Variants in SLC25A33 observed in about 807,000 individuals in gnomAD.
The protein encoded by SLC25A33 is solute carrier family 25 member 33.
In SLC25A33, 15 loss-of-function variants were observed where a neutral mutation model predicts 35.5. The observed-to-expected ratio is 0.42, with a 90% CI of 0.28 to 0.65. The LOEUF (loss-of-function observed/expected upper bound fraction) is 0.65. Among genes scored for constraint, SLC25A33 ranks in the 30% least tolerant of loss-of-function variants. The pLI, the probability that SLC25A33 is intolerant of heterozygous loss-of-function variation, is 0.20. For missense variants in SLC25A33, 257 were observed against 398.5 expected (o/e 0.64, Z 3.02); for synonymous variants, 136 against 148.7 (o/e 0.91, Z 0.62).
intron 1 of SLC25A33, among the ~76,000 whole-genome samples, chr1:9,550,565 T>A (rs1009360545): frequency 6.6e-6 from 1 of 152,178 alleles, no homozygotes; most frequent in Non-Finnish European, 1.5e-5. Context: ...TATCTTTAAA[T>A]GTTATACTTT....
At chr1:9,562,165 T>A (rs914530805) in intron 2 of SLC25A33, among the ~76,000 whole-genome samples, 1 of 151,716 alleles carries the variant, frequency 6.6e-6, no homozygotes, top group Non-Finnish European at 1.5e-5. Context: ...CTGGCCAACA[T>A]GGTGAAACCC....
At chr1:9,545,849 G>A (rs2100368575) in intron 1 of SLC25A33, among the ~76,000 whole-genome samples, 1 of 151,828 alleles carries the variant, frequency 6.6e-6, no homozygotes, top group African/African-American at 2.4e-5. Flanking sequence ...TGTAATTTCA[G>A]CTACTTGGGA....
At chr1:9,569,421 A>C (rs982836240) in intron 3 of SLC25A33, among the ~76,000 whole-genome samples, 1 of 152,184 alleles carries the variant, frequency 6.6e-6, no homozygotes, top group African/African-American at 2.4e-5. Context: ...CCTACTGCCC[A>C]TCTGTAGTAA....
At chr1:9,553,198 GTTTTGTTTTTTT>G (rs1557526424) in intron 1 of SLC25A33, among the ~76,000 whole-genome samples, 1 of 32,238 alleles carries the variant, frequency 3.1e-5, no homozygotes, top group African/African-American at 1.3e-4. Flanking sequence ...TTGTGTTCTA[GTTTTGTTTTTTT>G]TTTTTTTTTT....
chr1:9,543,293 G>A (rs1236223848), intron 1 of SLC25A33, among the ~76,000 whole-genome samples: 8 of 151,980 alleles, frequency 5.3e-5, no homozygotes, highest in Admixed American at 1.3e-4. Context: ...AAAGGCTCAC[G>A]CCACCACGCC....
chr1:9,541,823 G>A (rs771369656), intron 1 of SLC25A33, among the ~76,000 whole-genome samples: 7 of 150,826 alleles, frequency 4.6e-5, no homozygotes, highest in Non-Finnish European at 7.4e-5. Flanking sequence ...TTTTTCAGAC[G>A]GAGTCTTGCT....
intron 1 of SLC25A33, 52 bp from the exon 2 acceptor site, chr1:9,553,574 A>G (rs1557526678): frequency 1.3e-6 from 2 of 1,587,786 alleles, no homozygotes; most frequent in East Asian, 2.2e-5. Flanking sequence ...TTAGCATTCC[A>G]TTGTGTAGGG....
chr1:9,559,090 G>T (rs1004664912), intron 2 of SLC25A33, among the ~76,000 whole-genome samples: 1 of 152,118 alleles, frequency 6.6e-6, no homozygotes, highest in African/African-American at 2.4e-5. Flanking sequence ...GCTGACGTCC[G>T]CTGTCATCAC....
chr1:9,539,934 C>G (rs1446286235), intron 1 of SLC25A33, among the ~76,000 whole-genome samples, 187 bp downstream of exon 1: 1 of 152,150 alleles, frequency 6.6e-6, no homozygotes, highest in Non-Finnish European at 1.5e-5. Context: ...TCGGGCCTTC[C>G]TCACCCCTAC....
intron 1 of SLC25A33, 47 bp downstream of exon 1, chr1:9,539,794 C>G (rs751779950): frequency 7.7e-7 from 1 of 1,305,920 alleles, no homozygotes; most frequent in South Asian, 2.1e-5. Flanking sequence ...CTGCGGTCCC[C>G]TCGGCCTTCG....
chr1:9,577,587 A>G (rs1643679275), intron 5 of SLC25A33, among the ~76,000 whole-genome samples: 1 of 151,992 alleles, frequency 6.6e-6, no homozygotes, highest in Non-Finnish European at 1.5e-5. Flanking sequence ...TGGAGAAGGG[A>G]GTTATGGAAG....
At chr1:9,573,305 CT>C in intron 4 of SLC25A33, 40 bp from the exon 5 acceptor site, 1 of 1,394,620 alleles carries the variant, frequency 7.2e-7, no homozygotes, top group Non-Finnish European at 1.0e-6. Context: ...TAAGTATGGA[CT>C]ATGTACAGTG....
chr1:9,553,209 T>G (rs796985268), intron 1 of SLC25A33, among the ~76,000 whole-genome samples: 27 of 126,258 alleles, frequency 2.1e-4, no homozygotes, highest in African/African-American at 7.0e-4. Context: ...TTTTGTTTTT[T>G]TTTTTTTTTT....
chr1:9,547,851 ATTTTGTTTTTGT>A lies in SLC25A33; in HGVS notation c.57-5758_57-5747del, dbSNP rs757973516. 1.6e-4 allele frequency among the ~76,000 whole-genome samples: 22 copies of A among 136,504 alleles called. 1 individual carries two copies. The South Asian group carries it at 4.6e-3, about 29-fold the overall frequency. 89.6% of individuals were successfully genotyped at this position (136,504 alleles called of 152,430 possible). ...TGGGTTTCTTGTTTGTTTTGTTTTG[ATTTTGTTTTTGT>A]TTTTGTTTTTGTTTTTCCCTTCCTG... On this transcript the variant is annotated intron_variant, in intron 1 of 6. Coordinates refer to ENST00000302692, the MANE Select transcript of SLC25A33 (RefSeq NM_032315.3).
intron 3 of SLC25A33, 24 bp from the exon 4 acceptor site, chr1:9,570,234 A>C: frequency 6.2e-7 from 1 of 1,600,144 alleles, no homozygotes; most frequent in Non-Finnish European, 8.5e-7. Context: ...TGATTTCTTT[A>C]TAATGTTCTC....
intron 1 of SLC25A33, among the ~76,000 whole-genome samples, chr1:9,545,096 A>G (rs887459639): frequency 2.0e-5 from 3 of 152,198 alleles, no homozygotes; most frequent in South Asian, 2.1e-4. Flanking sequence ...GTGTAAAAGG[A>G]TTAGAAGGTT....
chr1:9,568,073 T>C (rs999683752), intron 3 of SLC25A33, among the ~76,000 whole-genome samples: 8 of 152,184 alleles, frequency 5.3e-5, no homozygotes, highest in African/African-American at 1.7e-4. Context: ...ATAGATAGGA[T>C]AGAGAGGATA....
At chr1:9,576,549 C>T in intron 5 of SLC25A33, 2 of 547,674 alleles carry the variant, frequency 3.7e-6, no homozygotes, top group Non-Finnish European at 7.2e-6. Flanking sequence ...TCAGTCACAT[C>T]AATGTAGAAC....
chr1:9,570,437 T>G (rs1308743184), intron 4 of SLC25A33, 79 bp downstream of exon 4: 1 of 1,223,794 alleles, frequency 8.2e-7, no homozygotes, highest in Non-Finnish European at 1.2e-6. Flanking sequence ...TTTCCAGGAA[T>G]TAGAAATTAG....
Sources: gnomAD v4.1 joint callset for allele counts (sites outside exome capture counted in the v4.1 genomes callset) on GRCh38, gnomAD v4.1.1 for gene constraint, MANE v1.5 for transcripts, NCBI Gene and HGNC (gene_info 2026-07-23, HGNC 2026-07-21) for gene names.